Variants in CCSER1 observed in about 807,000 individuals in gnomAD.
CCSER1 encodes the protein serine-rich coiled-coil domain-containing protein 1.
Under a neutral mutation model 82.0 loss-of-function variants are expected in CCSER1, and 41 were observed. The observed-to-expected ratio is 0.50, with a 90% CI of 0.39 to 0.65. CCSER1 has a LOEUF of 0.65. Ranked by LOEUF, CCSER1 falls within the 30% of genes least tolerant of loss-of-function variation. The pLI is 0.00. For missense variants in CCSER1, 1,119 were observed against 1,064.2 expected (o/e 1.05, Z -0.72); for synonymous variants, 414 against 383.9 (o/e 1.08, Z -0.92).
At chr4:90,736,027 T>C (rs1055443517) in intron 7 of CCSER1, among the ~76,000 whole-genome samples, 2 of 152,144 alleles carry the variant, frequency 1.3e-5, no homozygotes, top group Admixed American at 1.3e-4. Context: ...AAATTCATTG[T>C]GTTGTTGATT....
intron 8 of CCSER1, among the ~76,000 whole-genome samples, chr4:90,823,160 G>C (rs1252290340): frequency 6.6e-6 from 1 of 152,054 alleles, no homozygotes; most frequent in Non-Finnish European, 1.5e-5. Context: ...TTCCTAAGAA[G>C]ATTTTTTTGT....
chr4:90,284,188 GATTT>G (rs1454346437), intron 1 of CCSER1, among the ~76,000 whole-genome samples: 1 of 151,846 alleles, frequency 6.6e-6, no homozygotes, highest in Non-Finnish European at 1.5e-5. Flanking sequence ...TTTTGCTATT[GATTT>G]ATTTGAGTTC....
At chr4:90,559,829 A>AAAAAG (rs1397335211) in intron 5 of CCSER1, among the ~76,000 whole-genome samples, 6 of 150,904 alleles carry the variant, frequency 4.0e-5, no homozygotes, top group Non-Finnish European at 8.9e-5. Flanking sequence ...AAAAAAAAAA[A>AAAAAG]AAAAAATAGC....
intron 1 of CCSER1, among the ~76,000 whole-genome samples, chr4:90,282,875 T>C (rs114963750): frequency 0.011 from 1,625 of 152,066 alleles, 14 homozygotes; most frequent in African/African-American, 0.023. Flanking sequence ...AATCTACTCT[T>C]AGATCCGTTT....
chr4:90,791,858 A>T (rs1438963903), intron 7 of CCSER1, among the ~76,000 whole-genome samples: 2 of 151,874 alleles, frequency 1.3e-5, no homozygotes, highest in Non-Finnish European at 2.9e-5. Flanking sequence ...CGTTTATAAG[A>T]TGTAATGCTA....
intron 6 of CCSER1, chr4:90,682,986 T>C (rs1420026625): frequency 2.6e-5 from 4 of 152,174 alleles, no homozygotes; most frequent in African/African-American, 9.7e-5. Flanking sequence ...AAAAACATGA[T>C]TGAAAGCCTA....
intron 9 of CCSER1, among the ~76,000 whole-genome samples, chr4:90,956,766 CTTTTTT>C (rs34175078): frequency 7.3e-6 from 1 of 137,466 alleles, no homozygotes; most frequent in Admixed American, 7.3e-5. Context: ...TCTTCCTCTT[CTTTTTT>C]TTTTTTTTTT....
chr4:91,603,189 A>C lies in CCSER1; in HGVS notation c.*4132A>C, dbSNP rs557762516. ...CTGAATTACACTGTAGTATAAAAGC[A>C]AACAGTCAACTAAGCAACCAAACAA... On this transcript the variant is annotated 3_prime_UTR_variant, in exon 11 of 11. Coordinates refer to ENST00000509176, the MANE Select transcript of CCSER1 (RefSeq NM_001145065.2). The C allele has an allele frequency of 6.6e-6, 1 of 152,136 alleles. No homozygotes were observed. The highest frequency in any genetic ancestry group is 1.9e-4 in the East Asian group (1 of 5,190). The allele number at this position is 152,136 out of a possible 1,614,324, so 9.4% of individuals were successfully genotyped here. A position where few individuals can be genotyped will look rare whatever the true frequency, so the allele number is the denominator to read the frequency against.
chr4:90,460,186 A>T (rs960219948), intron 4 of CCSER1, among the ~76,000 whole-genome samples: 4 of 148,184 alleles, frequency 2.7e-5, no homozygotes, highest in Admixed American at 6.6e-5. Context: ...TTAGCCGGGC[A>T]TGGTGGCGCG....
intron 1 of CCSER1, among the ~76,000 whole-genome samples, chr4:90,143,200 T>G (rs1302142623): frequency 6.6e-6 from 1 of 152,076 alleles, no homozygotes; most frequent in Non-Finnish European, 1.5e-5. Context: ...AGCAAACATG[T>G]TTTTGTTCTT....
chr4:90,907,363 C>T (rs1298700933), intron 8 of CCSER1, among the ~76,000 whole-genome samples: 1 of 151,646 alleles, frequency 6.6e-6, no homozygotes, highest in Non-Finnish European at 1.5e-5. Context: ...CAGGATGCTG[C>T]TAGTGAGGGA....
chr4:91,147,618 G>C (rs1729677127), intron 10 of CCSER1, among the ~76,000 whole-genome samples: 1 of 152,204 alleles, frequency 6.6e-6, no homozygotes, highest in Admixed American at 6.5e-5. Flanking sequence ...TTGGAGCCAG[G>C]TCTACAGTTT....
intron 5 of CCSER1, among the ~76,000 whole-genome samples, chr4:90,472,984 G>C (rs1420397926): frequency 1.3e-5 from 2 of 152,116 alleles, no homozygotes; most frequent in African/African-American, 4.8e-5. Context: ...ATAATTGGGA[G>C]CTAAATAATG....
intron 10 of CCSER1, among the ~76,000 whole-genome samples, chr4:91,175,072 G>A (rs1384294524): frequency 1.3e-5 from 2 of 152,046 alleles, no homozygotes; most frequent in Non-Finnish European, 2.9e-5. Context: ...AACATGTGGT[G>A]TTTGGTTTTC....
chr4:90,391,483 T>TACATAC (rs1253752221), intron 3 of CCSER1, among the ~76,000 whole-genome samples: 1 of 84,970 alleles, frequency 1.2e-5, no homozygotes, highest in African/African-American at 7.7e-5. Context: ...TATATATATA[T>TACATAC]ATACACACAC....
intron 10 of CCSER1, among the ~76,000 whole-genome samples, chr4:91,423,628 T>C (rs925268004): frequency 1.3e-5 from 2 of 152,096 alleles, no homozygotes; most frequent in Non-Finnish European, 2.9e-5. Context: ...AATGCACAAA[T>C]AAGACACTTA....
intron 5 of CCSER1, among the ~76,000 whole-genome samples, chr4:90,477,878 T>C (rs1765325328): frequency 6.6e-6 from 1 of 152,098 alleles, no homozygotes; most frequent in African/African-American, 2.4e-5. Context: ...AGAGCATATT[T>C]ACTGTTAATA....
chr4:91,226,625 A>T (rs1196932685), intron 10 of CCSER1, among the ~76,000 whole-genome samples: 1 of 151,920 alleles, frequency 6.6e-6, no homozygotes, highest in Non-Finnish European at 1.5e-5. Flanking sequence ...GTGATTAAAG[A>T]TGTGGGTGTA....
chr4:90,156,763 G>T (rs1373979046), intron 1 of CCSER1, among the ~76,000 whole-genome samples: 1 of 151,908 alleles, frequency 6.6e-6, no homozygotes, highest in Non-Finnish European at 1.5e-5. Context: ...GAGCCTATGT[G>T]TGTCTCTGCA....
Sources: gnomAD v4.1 joint callset for allele counts (sites outside exome capture counted in the v4.1 genomes callset) on GRCh38, gnomAD v4.1.1 for gene constraint, MANE v1.5 for transcripts, NCBI Gene and HGNC (gene_info 2026-07-23, HGNC 2026-07-21) for gene names.